Variants in PCSK5 observed in about 807,000 individuals in gnomAD.
PCSK5 encodes proprotein convertase subtilisin/kexin type 5, also known as prohormone convertase 5.
PCSK5 carries 129 observed loss-of-function variants against 233.2 expected under a neutral mutation model. The observed-to-expected ratio is 0.55, with a 90% CI of 0.48 to 0.64. The LOEUF is 0.64. Ranked by LOEUF, PCSK5 falls within the 30% of genes least tolerant of loss-of-function variation. The probability of loss-of-function intolerance (pLI) is 0.00; values close to 1 mark genes in which losing one functional copy is unlikely to be tolerated. For missense variants in PCSK5, 2,076 were observed against 2,430.1 expected, an observed-to-expected ratio of 0.85 and a Z score of 3.06; for synonymous variants, 825 against 879.2, an observed-to-expected ratio of 0.94 and a Z score of 1.09.
At chr9:76,025,206 T>C (rs1419643823) in intron 4 of PCSK5, among the ~76,000 whole-genome samples, 4 of 152,134 alleles carry the variant, frequency 2.6e-5, no homozygotes, top group African/African-American at 9.7e-5. Flanking sequence ...AAAATCAAGA[T>C]AGTGTTTACT....
intron 3 of PCSK5, among the ~76,000 whole-genome samples, chr9:75,998,290 T>C (rs980444466): frequency 6.6e-6 from 1 of 152,190 alleles, no homozygotes; most frequent in East Asian, 1.9e-4. Context: ...GACTTTTCTT[T>C]CATTACTGTG....
chr9:76,301,268 T>C (rs1270931788), intron 27 of PCSK5, among the ~76,000 whole-genome samples: 1 of 84,342 alleles, frequency 1.2e-5, no homozygotes, highest in African/African-American at 3.8e-5. Context: ...CGCGACTCTC[T>C]CAAAAAAAAA....
intron 24 of PCSK5, among the ~76,000 whole-genome samples, chr9:76,269,525 A>G (rs898908505): frequency 6.6e-6 from 1 of 152,226 alleles, no homozygotes; most frequent in African/African-American, 2.4e-5. Flanking sequence ...AAGAAAACAA[A>G]GCTCCATTTG....
Position 76,362,608 on chromosome 9 carries a change from A to G in PCSK5, c.*3686A>G, listed in dbSNP as rs1041537755. Among the ~76,000 whole-genome samples, 3 of 152,214 alleles carry G rather than the reference A, an allele frequency of 2.0e-5. No individual in the cohort carries two copies. The highest frequency in any genetic ancestry group is 2.1e-4 in the South Asian group (1 of 4,832). On this transcript the variant is annotated 3_prime_UTR_variant, in exon 38 of 38. Coordinates refer to ENST00000674117, the MANE Select transcript of PCSK5 (RefSeq NM_001372043.1). ...GTCTTATGCCCAATTTCTGCCTCCA[A>G]AGAAAGAAGAAGTAAAAACTAAAAG...
intron 20 of PCSK5, among the ~76,000 whole-genome samples, chr9:76,224,044 A>C (rs532385502): frequency 8.5e-5 from 13 of 152,328 alleles, no homozygotes; most frequent in Middle Eastern, 3.4e-3. Flanking sequence ...GTGAAGAGGC[A>C]TGCAGACTTG....
intron 3 of PCSK5, among the ~76,000 whole-genome samples, chr9:76,005,778 A>T (rs1827451659): frequency 6.6e-6 from 1 of 152,156 alleles, no homozygotes; most frequent in African/African-American, 2.4e-5. Flanking sequence ...AAGGGCTAGG[A>T]TAGTTTACAT....
At chr9:75,920,277 C>CT (rs1204839347) in intron 1 of PCSK5, among the ~76,000 whole-genome samples, 1 of 152,128 alleles carries the variant, frequency 6.6e-6, no homozygotes, top group East Asian at 1.9e-4. Context: ...AAGCTAGTCT[C>CT]TATCACATGT....
In PCSK5 at chr9:76,262,931, GA is replaced by G. The variant is rs1017628197; in HGVS notation, c.3142+22258del. On this transcript the variant is annotated intron_variant, in intron 24 of 37. Transcript: ENST00000674117. ...ACAATGAACTCAAACAAATTTACAA[GA>G]AAAAAAAAAACAACCCCATCAAAAA... Among the ~76,000 whole-genome samples, 223 of 139,984 alleles carry G rather than the reference GA, an allele frequency of 1.6e-3. 1 individual carries two copies. The highest frequency in any genetic ancestry group is 2.7e-3 in the Non-Finnish European group (174 of 64,276). The allele number at this position is 139,984 out of a possible 152,430, so 91.8% of individuals were successfully genotyped here. A position where few individuals can be genotyped will look rare whatever the true frequency, so the allele number is the denominator to read the frequency against.
intron 14 of PCSK5, among the ~76,000 whole-genome samples, chr9:76,176,916 T>A (rs1823639994): frequency 6.6e-6 from 1 of 152,236 alleles, no homozygotes; most frequent in African/African-American, 2.4e-5. Flanking sequence ...TCTTGTTGCA[T>A]TGGCTAGCAC....
chr9:75,991,414 C>T (rs1473773236), intron 3 of PCSK5, among the ~76,000 whole-genome samples: 1 of 152,204 alleles, frequency 6.6e-6, no homozygotes, highest in Non-Finnish European at 1.5e-5. Flanking sequence ...TATGTGAGCA[C>T]AGCCTCCCCA....
chr9:75,966,910 G>A (rs756526221), intron 2 of PCSK5, among the ~76,000 whole-genome samples: 42 of 152,104 alleles, frequency 2.8e-4, no homozygotes, highest in Admixed American at 1.3e-4. Flanking sequence ...TTATGTTAAA[G>A]TTATATCTTT....
intron 2 of PCSK5, among the ~76,000 whole-genome samples, chr9:75,964,053 A>G (rs1825470547): frequency 6.6e-6 from 1 of 152,042 alleles, no homozygotes; most frequent in South Asian, 2.1e-4. Flanking sequence ...ACAACATCCA[A>G]CTGCTTCTTT....
intron 2 of PCSK5, among the ~76,000 whole-genome samples, chr9:75,979,344 G>A (rs928243209): frequency 6.6e-6 from 1 of 152,076 alleles, no homozygotes; most frequent in Non-Finnish European, 1.5e-5. Context: ...TTTGCCTAGG[G>A]CCTCATGCTT....
At chr9:75,985,284 T>C (rs1056398547) in intron 2 of PCSK5, among the ~76,000 whole-genome samples, 1 of 152,200 alleles carries the variant, frequency 6.6e-6, no homozygotes, top group East Asian at 1.9e-4. Flanking sequence ...AAATTCTGCA[T>C]TAGACTCAAG....
At chr9:76,272,280 T>A (rs1225578111) in intron 24 of PCSK5, among the ~76,000 whole-genome samples, 2 of 152,166 alleles carry the variant, frequency 1.3e-5, no homozygotes, top group African/African-American at 4.8e-5. Context: ...TCAACAACTA[T>A]ACTTTAGTTC....
At chr9:76,015,038 G>A (rs74910727) in intron 3 of PCSK5, among the ~76,000 whole-genome samples, 1,528 of 152,254 alleles carry the variant, frequency 0.01, 30 homozygotes, top group African/African-American at 0.035. Context: ...GAAGTCCTGT[G>A]ATCTGATATC....
At position 76,310,770 on chromosome 9, in the gene PCSK5, C is replaced by A; in HGVS notation, c.3803C>A (p.Ala1268Asp). The part of the protein sequence containing the change: ...CTEACAICSG[A>D]DLCKKCQMQP... Reference sequence around the variant, plus strand: ...GAGGCCTGTGCCATCTGCTCTGGAGCCGATCTTTGCAAAAAATGCCAGATG... The same window carrying A: ...GAGGCCTGTGCCATCTGCTCTGGAGACGATCTTTGCAAAAAATGCCAGATG... Residue 1268 changes from alanine (A) to aspartate (D), a missense_variant, in exon 30 of 38, where the codon GCC (alanine) becomes GAC (aspartate). Ala to Asp is a moderately radical substitution (Grantham distance 126). This residue lies in a region of PCSK5 where 1,510 missense variants were observed against 1,538.1 expected (regional missense o/e 0.98). Coordinates refer to ENST00000674117, the MANE Select transcript of PCSK5 (RefSeq NM_001372043.1). 1 of 1,612,214 alleles carries A rather than the reference C, an allele frequency of 6.2e-7. No individual in the cohort carries two copies. The highest frequency in any genetic ancestry group is 8.5e-7 in the Non-Finnish European group (1 of 1,179,626).
chr9:76,200,533 T>C (rs761766348), intron 20 of PCSK5, among the ~76,000 whole-genome samples: 19 of 152,228 alleles, frequency 1.2e-4, no homozygotes, highest in Non-Finnish European at 2.2e-4. Context: ...TGTTCACAGC[T>C]GTATCTTACA....
intron 24 of PCSK5, among the ~76,000 whole-genome samples, chr9:76,288,754 C>T (rs1828166004): frequency 6.6e-6 from 1 of 152,170 alleles, no homozygotes; most frequent in African/African-American, 2.4e-5. Flanking sequence ...TATGCTCACC[C>T]TCCACTTGTA....
Sources: allele counts gnomAD v4.1 joint callset (sites outside exome capture counted in the v4.1 genomes callset), GRCh38; gene constraint gnomAD v4.1.1; regional missense constraint gnomAD v4.1.1; transcripts MANE v1.5; gene names NCBI Gene and HGNC (gene_info 2026-07-23, HGNC 2026-07-21).